CNTN5: variants seen among roughly 807,000 people sequenced by gnomAD.
The protein encoded by CNTN5 is contactin 5.
In CNTN5, 77 loss-of-function variants were observed where a neutral mutation model predicts 129.1. The observed-to-expected ratio is 0.60, with a 90% CI of 0.50 to 0.72. The LOEUF is 0.72. Among genes scored for constraint, CNTN5 ranks in the 30% least tolerant of loss-of-function variants. The pLI, the probability that CNTN5 is intolerant of heterozygous loss-of-function variation, is 0.00. For missense variants in CNTN5, 1,478 were observed against 1,328.8 expected, an observed-to-expected ratio of 1.11 and a Z score of -1.75; for synonymous variants, 509 against 465.6, an observed-to-expected ratio of 1.09 and a Z score of -1.20.
At chr11:99,785,230 T>G (rs1945475989) in intron 3 of CNTN5, among the ~76,000 whole-genome samples, 1 of 152,180 alleles carries the variant, frequency 6.6e-6, no homozygotes, top group Non-Finnish European at 1.5e-5. Context: ...GTTTGTATCC[T>G]TCGCCCACAT....
intron 16 of CNTN5, among the ~76,000 whole-genome samples, chr11:100,229,641 C>T (rs940411241): frequency 6.6e-6 from 1 of 152,182 alleles, no homozygotes; most frequent in Non-Finnish European, 1.5e-5. Flanking sequence ...CAGTGAAAAC[C>T]TTGAGCATGT....
chr11:99,033,411 T>C (rs1052258628), intron 1 of CNTN5, among the ~76,000 whole-genome samples: 15 of 152,342 alleles, frequency 9.8e-5, no homozygotes, highest in African/African-American at 3.4e-4. Context: ...CATGGAATGT[T>C]CTTCCATTTG....
intron 1 of CNTN5, among the ~76,000 whole-genome samples, chr11:99,199,318 C>T (rs1280744419): frequency 6.6e-6 from 1 of 152,158 alleles, no homozygotes; most frequent in African/African-American, 2.4e-5. Flanking sequence ...TAAGAAAAAA[C>T]ATGAAGTGAA....
intron 2 of CNTN5, among the ~76,000 whole-genome samples, chr11:99,356,543 AACACCTACG>A (rs1938684460): frequency 6.6e-6 from 1 of 152,190 alleles, no homozygotes; most frequent in Non-Finnish European, 1.5e-5. Context: ...AACACTTTTG[AACACCTACG>A]TTGTGCAGTG....
chr11:99,177,513 C>T (rs113813273), intron 1 of CNTN5, among the ~76,000 whole-genome samples: 1,940 of 152,250 alleles, frequency 0.013, 38 homozygotes, highest in African/African-American at 0.045. Flanking sequence ...TCATGAAAAT[C>T]ACTTTTATGT....
intron 20 of CNTN5, among the ~76,000 whole-genome samples, chr11:100,303,005 T>G (rs887319977): frequency 2.6e-5 from 4 of 151,496 alleles, no homozygotes; most frequent in Non-Finnish European, 5.9e-5. Context: ...TCAGAAAAAG[T>G]TTCAAATGGT....
In CNTN5 at chr11:100,181,726, T is replaced by C. The variant is rs560363325; in HGVS notation, c.1581-9400T>C. ...TTATTTCTTAAAACTGCATGTGACC[T>C]TACAATTATCTCCAAAATGTTCATT... is the stretch of plus-strand genomic sequence containing the variant. On this transcript the variant is annotated intron_variant, in intron 13 of 24. Coordinates refer to ENST00000524871, the MANE Select transcript of CNTN5 (RefSeq NM_014361.4). Among the ~76,000 whole-genome samples, 100 of 152,152 alleles carry C rather than the reference T, an allele frequency of 6.6e-4. 1 individual carries two copies. Among genetic ancestry groups the C allele is most frequent in the Middle Eastern group, 3.4e-3 (1 of 294 alleles).
At chr11:99,793,106 C>T (rs1945810307) in intron 3 of CNTN5, among the ~76,000 whole-genome samples, 1 of 151,658 alleles carries the variant, frequency 6.6e-6, no homozygotes, top group Non-Finnish European at 1.5e-5. Flanking sequence ...GTCGCCCAGG[C>T]TGGAGTGCAG....
intron 8 of CNTN5, among the ~76,000 whole-genome samples, chr11:99,994,544 G>A (rs2137431203): frequency 6.6e-6 from 1 of 152,214 alleles, no homozygotes; most frequent in South Asian, 2.1e-4. Flanking sequence ...CTATGACACT[G>A]AGTAAATGCC....
intron 2 of CNTN5, among the ~76,000 whole-genome samples, chr11:99,465,874 CTTTTT>C (rs35950728): frequency 2.0e-4 from 21 of 106,420 alleles, no homozygotes; most frequent in Non-Finnish European, 2.6e-4. Context: ...TGCCACACAC[CTTTTT>C]TTTTTTTTTT....
At chr11:99,199,319 A>C (rs900821778) in intron 1 of CNTN5, among the ~76,000 whole-genome samples, 1 of 152,238 alleles carries the variant, frequency 6.6e-6, no homozygotes, top group African/African-American at 2.4e-5. Context: ...AAGAAAAAAC[A>C]TGAAGTGAAC....
At chr11:99,800,684 T>TTTCTTTGTC (rs1946087387) in intron 3 of CNTN5, among the ~76,000 whole-genome samples, 1 of 152,164 alleles carries the variant, frequency 6.6e-6, no homozygotes, top group Admixed American at 6.5e-5. Flanking sequence ...ATGTAATGCA[T>TTTCTTTGTC]TTCTTTGTCC....
At chr11:100,321,622 T>C (rs1951698091) in intron 21 of CNTN5, among the ~76,000 whole-genome samples, 1 of 152,164 alleles carries the variant, frequency 6.6e-6, no homozygotes, top group Non-Finnish European at 1.5e-5. Context: ...TCCTTGTCTT[T>C]TTCCAGACCT....
chr11:99,590,049 A>G (rs764430146), intron 3 of CNTN5, among the ~76,000 whole-genome samples: 3 of 152,164 alleles, frequency 2.0e-5, no homozygotes, highest in Non-Finnish European at 4.4e-5. Context: ...GATGAACTTC[A>G]GGTATAGAGG....
chr11:99,802,759 C>A (rs1340395547), intron 3 of CNTN5, among the ~76,000 whole-genome samples: 1 of 152,104 alleles, frequency 6.6e-6, no homozygotes, highest in African/African-American at 2.4e-5. Flanking sequence ...GCAGAGGGGT[C>A]CCCTGCACCG....
At chr11:99,917,808 T>A (rs1305438481) in intron 7 of CNTN5, among the ~76,000 whole-genome samples, 2 of 152,130 alleles carry the variant, frequency 1.3e-5, no homozygotes, top group African/African-American at 4.8e-5. Context: ...TATAGTACAA[T>A]GAATTGCATA....
At position 99,468,772 on chromosome 11, in the gene CNTN5, T is replaced by C. The variant is rs141581208; in HGVS notation, c.-70-87373T>C. Among the ~76,000 whole-genome samples the C allele has an allele frequency of 5.8e-3, 877 of 151,582 alleles. 8 individuals carry two copies. The highest frequency in any genetic ancestry group is 0.021 in the African/African-American group (853 of 41,238). On this transcript the variant is annotated intron_variant, in intron 2 of 24. Transcript: ENST00000524871. ...TTTCTGAGAAGGAGTTTCCCTCTTG[T>C]TGCCCAGGCTGGAGTGCAATGTTGC...
intron 8 of CNTN5, among the ~76,000 whole-genome samples, chr11:99,983,046 G>T (rs189868882): frequency 1.3e-5 from 2 of 152,282 alleles, no homozygotes; most frequent in Non-Finnish European, 2.9e-5. Flanking sequence ...CACATCAGGT[G>T]CAAAGAATAA....
intron 2 of CNTN5, among the ~76,000 whole-genome samples, chr11:99,333,998 A>G (rs963900713): frequency 5.8e-4 from 85 of 145,972 alleles, no homozygotes; most frequent in Non-Finnish European, 1.1e-3. Flanking sequence ...ACACACACAC[A>G]GTGCATTGTA....
Sources: allele counts gnomAD v4.1 joint callset (sites outside exome capture counted in the v4.1 genomes callset), GRCh38; gene constraint gnomAD v4.1.1; transcripts MANE v1.5; gene names NCBI Gene and HGNC (gene_info 2026-07-23, HGNC 2026-07-21).